PDE1C: variants seen among roughly 807,000 people sequenced by gnomAD.
The protein encoded by PDE1C is phosphodiesterase 1C.
Under a neutral mutation model 93.1 loss-of-function variants are expected in PDE1C, and 62 were observed. That is an observed-to-expected ratio of 0.67 (90% CI 0.54 to 0.82). PDE1C has a LOEUF of 0.82. Ranked by LOEUF, PDE1C falls within the 40% of genes least tolerant of loss-of-function variation. The pLI, the probability that PDE1C is intolerant of heterozygous loss-of-function variation, is 0.00. For missense variants in PDE1C, 742 were observed against 884.6 expected (o/e 0.84, Z 2.04); for synonymous variants, 325 against 310.1 (o/e 1.05, Z -0.50).
At chr7:31,645,560 C>T in the PDE1C span, among the ~76,000 whole-genome samples, 1 of 152,032 alleles carries the variant, frequency 6.6e-6, no homozygotes, top group Non-Finnish European at 1.5e-5. Flanking sequence ...GGTTCAAATC[C>T]TGGGTAACAG....
chr7:31,636,727 A>ATTT, the PDE1C span, among the ~76,000 whole-genome samples: 80 of 151,410 alleles, frequency 5.3e-4, no homozygotes, highest in East Asian at 1.4e-3. Flanking sequence ...TTTTTTTTTA[A>ATTT]AAATTTTATT....
intron 3 of PDE1C, among the ~76,000 whole-genome samples, chr7:32,166,629 G>A (rs879776656): frequency 2.0e-5 from 3 of 152,150 alleles, no homozygotes; most frequent in Non-Finnish European, 4.4e-5. Context: ...GAAGAAAGGT[G>A]GTGCCTTCAT....
At chr7:31,646,466 GA>G in the PDE1C span, among the ~76,000 whole-genome samples, 7 of 151,906 alleles carry the variant, frequency 4.6e-5, no homozygotes, top group African/African-American at 1.7e-4. Flanking sequence ...GGCCCTGGGG[GA>G]AAAGGCACAG....
intron 11 of PDE1C, among the ~76,000 whole-genome samples, chr7:31,835,186 A>T (rs1400180319): frequency 6.6e-6 from 1 of 152,158 alleles, no homozygotes; most frequent in East Asian, 1.9e-4. Context: ...TAAATTACCC[A>T]GTCTTGAGTA....
chr7:32,368,969 T>C (rs143900971), intron 1 of PDE1C, among the ~76,000 whole-genome samples: 235 of 152,238 alleles, frequency 1.5e-3, no homozygotes, highest in African/African-American at 5.4e-3. Context: ...TAGACCCCCA[T>C]ATGTCATCCT....
the PDE1C span, among the ~76,000 whole-genome samples, chr7:31,678,052 A>G: frequency 6.6e-6 from 1 of 152,152 alleles, no homozygotes; most frequent in East Asian, 1.9e-4. Context: ...ACTCACAAAT[A>G]TACACATAAA....
At chr7:32,206,462 G>C (rs73106529) in intron 2 of PDE1C, among the ~76,000 whole-genome samples, 18,404 of 152,086 alleles carry the variant, frequency 0.12, 1,154 homozygotes, top group South Asian at 0.19. Context: ...CTGGAGGGCA[G>C]CTTCACCAGC....
intron 1 of PDE1C, among the ~76,000 whole-genome samples, chr7:32,254,461 C>A (rs1401878896): frequency 6.6e-6 from 1 of 152,178 alleles, no homozygotes; most frequent in Non-Finnish European, 1.5e-5. Context: ...AGGAAAACAA[C>A]CCTCTCCCTT....
At chr7:32,198,639 C>T (rs193161317) in intron 2 of PDE1C, among the ~76,000 whole-genome samples, 3 of 152,084 alleles carry the variant, frequency 2.0e-5, no homozygotes, top group East Asian at 3.9e-4. Context: ...GATGAAAAAG[C>T]GATAAAGAAG....
chr7:32,070,557 G>C, upstream of PDE1C: 1 of 1,446,762 alleles, frequency 6.9e-7, no homozygotes. Flanking sequence ...GACTTAGAGC[G>C]GACTCCGATC....
intron 2 of PDE1C, among the ~76,000 whole-genome samples, chr7:32,021,562 T>C (rs1788676488): frequency 6.6e-6 from 1 of 152,132 alleles, no homozygotes. Flanking sequence ...ACAAACGAAA[T>C]ACTTATTCTG....
intron 3 of PDE1C, among the ~76,000 whole-genome samples, chr7:32,142,395 T>C (rs941856299): frequency 9.9e-5 from 15 of 152,086 alleles, no homozygotes; most frequent in African/African-American, 3.1e-4. Flanking sequence ...CAGCCTGATA[T>C]GTTTGGGGTA....
chr7:32,401,348 C>A (rs1784938330), intron 1 of PDE1C, among the ~76,000 whole-genome samples: 1 of 152,068 alleles, frequency 6.6e-6, no homozygotes, highest in Non-Finnish European at 1.5e-5. Context: ...ACCATCCTGG[C>A]TAACACAGTG....
chr7:31,871,197 T>C (rs1398047455), intron 6 of PDE1C, among the ~76,000 whole-genome samples: 1 of 151,706 alleles, frequency 6.6e-6, no homozygotes, highest in Non-Finnish European at 1.5e-5. Flanking sequence ...AAACTAGACA[T>C]CCATCTCTCA....
chr7:31,926,442 T>C (rs1315782909), intron 2 of PDE1C, among the ~76,000 whole-genome samples: 1 of 152,226 alleles, frequency 6.6e-6, no homozygotes, highest in African/African-American at 2.4e-5. Context: ...CGCAAACCTA[T>C]GAATATTTTA....
chr7:31,998,935 C>T (rs1785112151), intron 2 of PDE1C, among the ~76,000 whole-genome samples: 1 of 152,188 alleles, frequency 6.6e-6, no homozygotes, highest in Non-Finnish European at 1.5e-5. Flanking sequence ...GTTGCTGTGT[C>T]ACCTCCTAAA....
chr7:32,220,587 G>A lies in PDE1C; in HGVS notation c.86-11048C>T, dbSNP rs184116425. ...TCCCAGCACTTTGGGAGGCCGAGGCGGGCGGATCACGAGGTCAGGAGATCG... is the reference window on the plus strand; with the variant it reads ...TCCCAGCACTTTGGGAGGCCGAGGCAGGCGGATCACGAGGTCAGGAGATCG... On this transcript the variant is annotated intron_variant, in intron 1 of 18. Transcript: ENST00000396193. Among the ~76,000 whole-genome samples, 879 of 152,070 alleles carry A rather than the reference G, an allele frequency of 5.8e-3. 11 individuals carry two copies. The highest frequency in any genetic ancestry group is 0.02 in the African/African-American group (828 of 41,494).
intron 1 of PDE1C, among the ~76,000 whole-genome samples, chr7:32,420,362 T>C (rs1477763967): frequency 0.013 from 266 of 21,100 alleles, 111 homozygotes; most frequent in Non-Finnish European, 0.016. Context: ...TGTATATATA[T>C]ATGTGTATAT....
At chr7:31,673,095 T>TA in the PDE1C span, among the ~76,000 whole-genome samples, 1 of 152,140 alleles carries the variant, frequency 6.6e-6, no homozygotes, top group East Asian at 1.9e-4. Context: ...CTTTCCTTCC[T>TA]AAATTATCCA....
Sources: allele counts gnomAD v4.1 joint callset (sites outside exome capture counted in the v4.1 genomes callset), GRCh38; gene constraint gnomAD v4.1.1; transcripts MANE v1.5; gene names NCBI Gene and HGNC (gene_info 2026-07-23, HGNC 2026-07-21).